The following HEATR4 variants were observed in gnomAD, a reference collection of about 807,000 sequenced individuals.
HEATR4 encodes the protein HEAT repeat containing 4.
A neutral mutation model predicts 108.8 loss-of-function variants in HEATR4; 95 were observed. The observed-to-expected ratio is 0.87, with a 90% CI of 0.74 to 1.04. The LOEUF is 1.04. HEATR4 is among the 50% of genes least tolerant of loss of function. The pLI, the probability that HEATR4 is intolerant of heterozygous loss-of-function variation, is 0.00. For missense variants in HEATR4, 1,152 were observed against 1,253.8 expected, an observed-to-expected ratio of 0.92 and a Z score of 1.23; for synonymous variants, 443 against 459.4, an observed-to-expected ratio of 0.96 and a Z score of 0.46.
the HEATR4 span, among the ~76,000 whole-genome samples, chr14:73,578,816 G>A: frequency 3.3e-5 from 5 of 151,960 alleles, no homozygotes; most frequent in East Asian, 7.7e-4. Context: ...GCCAGGCGCG[G>A]TGGCTCATGC....
chr14:73,551,139 G>A (rs11159023), intron 1 of HEATR4, among the ~76,000 whole-genome samples: 9,906 of 109,186 alleles, frequency 0.091, 2,304 homozygotes, highest in African/African-American at 0.26. Flanking sequence ...ACTCCAGCCT[G>A]AGTGACAGTG....
chr14:73,622,562 G>C, the HEATR4 span, among the ~76,000 whole-genome samples: 1 of 151,844 alleles, frequency 6.6e-6, no homozygotes, highest in South Asian at 2.1e-4. Flanking sequence ...CACCACACCC[G>C]GCTAATTTTG....
chr14:73,560,820 T>C (rs1889521073), upstream of HEATR4, among the ~76,000 whole-genome samples: 1 of 151,896 alleles, frequency 6.6e-6, no homozygotes, highest in Non-Finnish European at 1.5e-5. Flanking sequence ...CTGTTTCTAA[T>C]AAATCAAAAC....
the HEATR4 span, chr14:73,612,952 C>T: frequency 4.8e-6 from 6 of 1,252,822 alleles, no homozygotes; most frequent in South Asian, 3.2e-5. Context: ...AGAACAAGCG[C>T]GACTTTCTCC....
the HEATR4 span, among the ~76,000 whole-genome samples, chr14:73,604,140 G>T: frequency 2.7e-5 from 4 of 147,560 alleles, no homozygotes; most frequent in East Asian, 7.9e-4. Flanking sequence ...TCCAGTAGTT[G>T]TAAGATTTTT....
At chr14:73,490,325 A>AT (rs1885629795) in intron 17 of HEATR4, among the ~76,000 whole-genome samples, 1 of 141,694 alleles carries the variant, frequency 7.1e-6, no homozygotes, top group Admixed American at 7.0e-5. Flanking sequence ...ATTTATTTTT[A>AT]TTTTTTTGAG....
At chr14:73,510,901 T>C (rs1416008974) in intron 7 of HEATR4, among the ~76,000 whole-genome samples, 1 of 152,252 alleles carries the variant, frequency 6.6e-6, no homozygotes, top group Non-Finnish European at 1.5e-5. Context: ...CTGCCTGTTA[T>C]AAGTTACAGT....
chr14:73,522,478 C>A lies in HEATR4; in HGVS notation c.675G>T (p.Arg225Ser), dbSNP rs1888034695. Residue 225 changes from arginine (R) to serine (S), a missense_variant, in exon 3 of 18, where the codon AGG becomes AGT. Physicochemically the swap from Arg to Ser is moderately radical, Grantham distance 110 (BLOSUM62 -1). Transcript: ENST00000553558. The part of the protein sequence containing the change: ...ARWIQSKRPR[R>S]PGASPNKWQS... ...GCCACTTGTTGGGGGATGCCCCAGG[C>A]CTTCGAGGACGCTTGCTCTGGATCC... The A allele has an allele frequency of 6.2e-7, 1 of 1,614,230 alleles. No homozygotes were observed. The highest frequency in any genetic ancestry group is 8.5e-7 in the Non-Finnish European group (1 of 1,180,038).
At chr14:73,583,984 A>G in the HEATR4 span, among the ~76,000 whole-genome samples, 2 of 151,006 alleles carry the variant, frequency 1.3e-5, no homozygotes, top group East Asian at 2.0e-4. Flanking sequence ...CTGGGCAACA[A>G]GAGTAAATCT....
chr14:73,499,880 T>G (rs1428702078), intron 12 of HEATR4, among the ~76,000 whole-genome samples: 1 of 152,192 alleles, frequency 6.6e-6, no homozygotes, highest in Admixed American at 6.5e-5. Flanking sequence ...TTGTCCAACA[T>G]GTGGCCTAGG....
chr14:73,589,993 G>A, the HEATR4 span, among the ~76,000 whole-genome samples: 9 of 152,246 alleles, frequency 5.9e-5, no homozygotes, highest in South Asian at 6.2e-4. Context: ...GCGGACCTTC[G>A]CAATGAGTGT....
intron 17 of HEATR4, chr14:73,491,482 A>T (rs1185727544): frequency 1.3e-6 from 2 of 1,498,280 alleles, no homozygotes; most frequent in Non-Finnish European, 1.8e-6. Flanking sequence ...CGCAACACTT[A>T]GCGGCCGTCC....
the HEATR4 span, chr14:73,591,699 G>A: frequency 3.1e-4 from 119 of 384,378 alleles, no homozygotes; most frequent in East Asian, 4.2e-3. Flanking sequence ...GCTTTCTACG[G>A]GGTGGGTTGG....
chr14:73,527,961 CA>C (rs34109465), intron 2 of HEATR4, among the ~76,000 whole-genome samples: 18,261 of 53,290 alleles, frequency 0.34, 1,532 homozygotes, highest in East Asian at 0.65. Flanking sequence ...AACTCCATCT[CA>C]AAAAAAAAAA....
chr14:73,598,645 TC>T, the HEATR4 span, among the ~76,000 whole-genome samples: 1 of 152,104 alleles, frequency 6.6e-6, no homozygotes, highest in Non-Finnish European at 1.5e-5. Flanking sequence ...GGCAGGCAGA[TC>T]ACCTGAGGTC....
the HEATR4 span, among the ~76,000 whole-genome samples, chr14:73,578,251 A>C: frequency 7.4e-6 from 1 of 134,960 alleles, no homozygotes; most frequent in African/African-American, 2.8e-5. Flanking sequence ...TTTTTTTGAG[A>C]CAGGATCTCT....
chr14:73,537,792 GGCACGA>G, intron 1 of HEATR4: 2 of 1,225,154 alleles, frequency 1.6e-6, no homozygotes, highest in Non-Finnish European at 2.2e-6. Flanking sequence ...TGCCGGGTGC[GGCACGA>G]GCGCTACTTC....
At chr14:73,601,226 G>A in the HEATR4 span, among the ~76,000 whole-genome samples, 1 of 152,054 alleles carries the variant, frequency 6.6e-6, no homozygotes, top group Non-Finnish European at 1.5e-5. Context: ...AGCTTTGACT[G>A]TCTTCCCAAA....
At chr14:73,482,501 G>A (rs1202400122) in intron 17 of HEATR4, among the ~76,000 whole-genome samples, 3 of 151,904 alleles carry the variant, frequency 2.0e-5, no homozygotes, top group East Asian at 1.9e-4. Context: ...CAGTCTGGGC[G>A]ACACAGCCAG....
Sources: allele counts gnomAD v4.1 joint callset (sites outside exome capture counted in the v4.1 genomes callset), GRCh38; gene constraint gnomAD v4.1.1; transcripts MANE v1.5; gene names NCBI Gene and HGNC (gene_info 2026-07-23, HGNC 2026-07-21).